The following THUMPD3 variants were observed in gnomAD, a reference collection of about 807,000 sequenced individuals.
The protein encoded by THUMPD3 is tRNA (guanine(6)-N(2))-methyltransferase THUMP3.
Under a neutral mutation model 54.5 loss-of-function variants are expected in THUMPD3, and 44 were observed. The observed-to-expected ratio is 0.81, with a 90% confidence interval of 0.63 to 1.04. The LOEUF (loss-of-function observed/expected upper bound fraction) is 1.04. Ranked by LOEUF, THUMPD3 falls within the 50% of genes least tolerant of loss-of-function variation. The pLI is 0.00. For missense variants in THUMPD3, 604 were observed against 601.3 expected (o/e 1.00, Z -0.05); for synonymous variants, 196 against 201.4 (o/e 0.97, Z 0.23).
intron 1 of THUMPD3, chr3:9,363,360 CATTGGCTCTCT>C (rs2031060759): frequency 6.6e-6 from 1 of 152,290 alleles, no homozygotes; most frequent in Non-Finnish European, 1.5e-5. Flanking sequence ...CTGCGCCTCT[CATTGGCTCTCT>C]GACCTTGTGC....
rs1353138116 is a variant in THUMPD3 at position 9,384,811 on chromosome 3, C to G, written c.*123C>G. On this transcript the variant is annotated 3_prime_UTR_variant, in exon 10 of 10. Transcript: ENST00000452837. Reference sequence around the variant, plus strand: ...TTTAAACCTGTTTAAGGCTCTTCATCCTGGTTAGCAAAAGGTGTGAATGTA... The same window carrying G: ...TTTAAACCTGTTTAAGGCTCTTCATGCTGGTTAGCAAAAGGTGTGAATGTA... The G allele has an allele frequency of 1.1e-5, 13 of 1,131,828 alleles. No individual in the cohort carries two copies. The highest frequency in any genetic ancestry group is 1.6e-5 in the Non-Finnish European group (13 of 800,540). The allele number at this position is 1,131,828 out of a possible 1,614,324, so 70.1% of individuals were successfully genotyped here.
intron 2 of THUMPD3, among the ~76,000 whole-genome samples, chr3:9,366,160 A>G (rs1452440878): frequency 2.0e-5 from 3 of 152,226 alleles, no homozygotes; most frequent in African/African-American, 7.2e-5. Context: ...ATGAAACATA[A>G]AAGAGATTTT....
rs1254304153 is a variant in THUMPD3 at position 9,374,522 on chromosome 3, T to C, written c.814T>C (p.Leu272=). 1 of 1,613,538 alleles carries C rather than the reference T, an allele frequency of 6.2e-7. No individual in the cohort carries two copies. Among genetic ancestry groups the C allele is most frequent in the South Asian group, 1.1e-5 (1 of 91,040 alleles). ...DMTNFDVEVL[L]NIHDNEVIVG... Reference sequence around the variant, plus strand: ...TTGTTCCACTTTGCTATAGGTTCTTTTGAACATCCATGATAATGAAGTCAT... The same window carrying C: ...TTGTTCCACTTTGCTATAGGTTCTTCTGAACATCCATGATAATGAAGTCAT... The change falls in exon 5 of 10, where the codon TTG becomes CTG. Residue 272 remains leucine (L), a synonymous_variant. Transcript: ENST00000452837.
chr3:9,366,904 C>G lies in THUMPD3; in HGVS notation c.253-4C>G. ...AGAAATGTGTTTCTTTTTTTTTCAC[C>G]CAGGTTCATTGTCTGAGATCAGTTG... On this transcript the variant is annotated splice_region_variant and splice_polypyrimidine_tract_variant and intron_variant, in intron 2 of 9. Transcript: ENST00000452837. 6.2e-7 allele frequency: 1 copy of G among 1,600,302 alleles called. No individual in the cohort carries two copies. Among genetic ancestry groups the G allele is most frequent in the Non-Finnish European group, 8.5e-7 (1 of 1,175,490 alleles).
intron 7 of THUMPD3, among the ~76,000 whole-genome samples, chr3:9,381,737 ACTGT>A (rs1338662889): frequency 1.3e-4 from 10 of 77,932 alleles, no homozygotes; most frequent in African/African-American, 5.0e-4. Flanking sequence ...TTGTACCTAC[ACTGT>A]CTGTTCAACC....
intron 5 of THUMPD3, among the ~76,000 whole-genome samples, chr3:9,377,096 C>T (rs1354714619): frequency 6.6e-6 from 1 of 152,014 alleles, no homozygotes; most frequent in Non-Finnish European, 1.5e-5. Context: ...GTCTCATTGC[C>T]AGTAACCTTA....
intron 7 of THUMPD3, among the ~76,000 whole-genome samples, chr3:9,382,634 A>C (rs566037336): frequency 6.6e-6 from 1 of 152,244 alleles, no homozygotes; most frequent in East Asian, 1.9e-4. Context: ...CAGCAACTTA[A>C]ATTTTTGTAT....
intron 2 of THUMPD3, 132 bp downstream of exon 2, chr3:9,365,452 C>G: frequency 1.7e-6 from 2 of 1,146,016 alleles, no homozygotes; most frequent in South Asian, 1.6e-5. Context: ...TTTAAAGTTA[C>G]TGCATTTTCT....
intron 7 of THUMPD3, among the ~76,000 whole-genome samples, chr3:9,381,994 A>G (rs1350380498): frequency 2.0e-5 from 3 of 151,500 alleles, no homozygotes; most frequent in Non-Finnish European, 4.4e-5. Context: ...CATGTTAGCC[A>G]GGATGGTCTC....
chr3:9,377,834 A>G lies in THUMPD3; in HGVS notation c.954A>G (p.Leu318=). ...TTTTCTCTAGGCTCTGTGATCCTCT[A>G]CCTTATGATATAATAGTCGATCCAA... The part of the protein sequence containing the change: ...AYGMLRLCDP[L]PYDIIVDPMC... The change falls in exon 6 of 10, where the codon CTA becomes CTG. Residue 318 remains leucine, a synonymous_variant. Coordinates refer to ENST00000452837, the MANE Select transcript of THUMPD3 (RefSeq NM_001114092.2). 6.8e-6 allele frequency: 11 copies of G among 1,613,648 alleles called. No individual in the cohort carries two copies. The highest frequency in any genetic ancestry group is 9.3e-6 in the Non-Finnish European group (11 of 1,179,694).
At chr3:9,366,210 T>G (rs1357587856) in intron 2 of THUMPD3, among the ~76,000 whole-genome samples, 1 of 152,206 alleles carries the variant, frequency 6.6e-6, no homozygotes, top group Non-Finnish European at 1.5e-5. Flanking sequence ...CAGAAGTAAT[T>G]AGGACTCACT....
At chr3:9,377,586 G>T (rs1157838196) in intron 5 of THUMPD3, among the ~76,000 whole-genome samples, 2 of 152,050 alleles carry the variant, frequency 1.3e-5, no homozygotes, top group African/African-American at 4.8e-5. Context: ...TGTTGGCCAG[G>T]CTGGTCTTGA....
rs2033238423 is a variant in THUMPD3 at position 9,385,017 on chromosome 3, G to A, written c.*329G>A. 2 of 237,008 alleles carry A rather than the reference G, an allele frequency of 8.4e-6. No homozygotes were observed. Among genetic ancestry groups the A allele is most frequent in the South Asian group, 1.1e-4 (2 of 18,916 alleles). 14.7% of individuals were successfully genotyped at this position (237,008 alleles called of 1,614,324 possible). A position where few individuals can be genotyped will look rare whatever the true frequency, so the allele number is the denominator to read the frequency against. On this transcript the variant is annotated 3_prime_UTR_variant, in exon 10 of 10. Transcript: ENST00000452837. ...TAGCCAGGTGTGGTGGCGGGCGCCT[G>A]TAATCCCAACTACTCAGGAGGCTGA...
intron 3 of THUMPD3, 37 bp downstream of exon 3, chr3:9,367,022 G>A (rs757571370): frequency 3.3e-6 from 5 of 1,499,552 alleles, no homozygotes; most frequent in Non-Finnish European, 4.6e-6. Flanking sequence ...ATTTTTGGCT[G>A]TCTTCCACAA....
intron 3 of THUMPD3, among the ~76,000 whole-genome samples, chr3:9,370,212 A>T (rs541603264): frequency 2.0e-5 from 3 of 152,278 alleles, no homozygotes; most frequent in East Asian, 3.9e-4. Flanking sequence ...AGTTTGTAAC[A>T]TTTACCTTCT....
chr3:9,384,671 T>C lies in THUMPD3; in HGVS notation c.1507T>C (p.Trp503Arg), dbSNP rs1055040163. The C allele has an allele frequency of 8.7e-6, 14 of 1,614,094 alleles. No individual in the cohort carries two copies. In the African/African-American group the frequency reaches 1.3e-4, roughly 15 times the overall value. ...ACAAGACGGAGAAAGAGGAACTCTTTGGCAATGCAAAGAATGAAGATGACT... is the reference window on the plus strand; with the variant it reads ...ACAAGACGGAGAAAGAGGAACTCTTCGGCAATGCAAAGAATGAAGATGACT... ...SEQDGERGTL[W>R]QCKE Residue 503 changes from tryptophan (W) to arginine (R), a missense_variant, in exon 10 of 10, where the codon TGG (tryptophan) becomes CGG (arginine). Coordinates refer to ENST00000452837, the MANE Select transcript of THUMPD3 (RefSeq NM_001114092.2).
chr3:9,383,101 T>A, intron 7 of THUMPD3, 98 bp from the exon 8 acceptor site: 1 of 738,262 alleles, frequency 1.4e-6, no homozygotes, highest in Non-Finnish European at 2.4e-6. Flanking sequence ...CCTTAGCAGT[T>A]TATGTTTTGC....
chr3:9,365,741 G>A (rs1307451824), intron 2 of THUMPD3, among the ~76,000 whole-genome samples: 1 of 151,866 alleles, frequency 6.6e-6, no homozygotes, highest in African/African-American at 2.4e-5. Flanking sequence ...ACAGGCGCCC[G>A]CCACCGCATC....
At chr3:9,373,946 C>G (rs2032255473) in intron 4 of THUMPD3, among the ~76,000 whole-genome samples, 1 of 152,114 alleles carries the variant, frequency 6.6e-6, no homozygotes, top group South Asian at 2.1e-4. Context: ...ACTTTGCACC[C>G]CTTAAGTACA....
Sources: gnomAD v4.1 joint callset for allele counts (sites outside exome capture counted in the v4.1 genomes callset) on GRCh38, gnomAD v4.1.1 for gene constraint, MANE v1.5 for transcripts, NCBI Gene and HGNC (gene_info 2026-07-23, HGNC 2026-07-21) for gene names.